Variants in ZNF516 observed in about 807,000 individuals in gnomAD.
The protein encoded by ZNF516 is zinc finger protein 516.
A neutral mutation model predicts 79.7 loss-of-function variants in ZNF516; 19 were observed. That is an observed-to-expected ratio of 0.24 (90% confidence interval 0.17 to 0.35). The LOEUF is 0.35. Ranked by LOEUF, ZNF516 falls within the 10% of genes least tolerant of loss-of-function variation. ZNF516 has a pLI of 1.00. For synonymous variants in ZNF516, 877 were observed against 739.5 expected (o/e 1.19, Z -3.02); for missense variants, 1,678 against 1,679.5 (o/e 1.00, Z 0.02).
chr18:76,383,990 C>T (rs1356170045), intron 3 of ZNF516, among the ~76,000 whole-genome samples: 7 of 152,214 alleles, frequency 4.6e-5, no homozygotes, highest in African/African-American at 7.2e-5. Flanking sequence ...GCCAAGGTTT[C>T]GTTACAGCCA....
chr18:76,442,812 G>A lies in ZNF516; in HGVS notation c.243C>T (p.Ile81=), dbSNP rs1359094941. The A allele has an allele frequency of 2.5e-6, 4 of 1,611,726 alleles. No individual in the cohort carries two copies. The highest frequency in any genetic ancestry group is 2.2e-5 in the South Asian group (2 of 90,592). Residue 81 remains isoleucine (I), a synonymous_variant, in exon 3 of 7, where the codon ATC becomes ATT. Coordinates refer to ENST00000443185, the MANE Select transcript of ZNF516 (RefSeq NM_014643.4). ...ASQKGNLKIH[I]RSHRTGTLIQ... ...TCAGAGTCCCCGTGCGGTGGCTCCG[G>A]ATGTGAATCTTCAGGTTGCCCTTCT...
At chr18:76,381,730 A>T (rs1377374544) in intron 3 of ZNF516, among the ~76,000 whole-genome samples, 3 of 152,240 alleles carry the variant, frequency 2.0e-5, no homozygotes, top group Admixed American at 6.5e-5. Context: ...GGACTTGTCC[A>T]TGTAAAAAAC....
intron 1 of ZNF516, among the ~76,000 whole-genome samples, chr18:76,473,909 G>T (rs374102562): frequency 2.2e-4 from 22 of 101,332 alleles, no homozygotes; most frequent in Middle Eastern, 5.4e-3. Flanking sequence ...TGTGTGGGGG[G>T]GGGGGGGGCT....
chr18:76,460,058 G>A lies in ZNF516; in HGVS notation c.-158+2970C>T, dbSNP rs150266664. Among the ~76,000 whole-genome samples the A allele has an allele frequency of 1.9e-3, 295 of 152,328 alleles. 1 individual carries two copies. Among genetic ancestry groups the A allele is most frequent in the African/African-American group, 6.8e-3 (284 of 41,586 alleles). Reference sequence around the variant, plus strand: ...AAGAATGCCCAGAAAACACCGCACTGCATTTCTGGACCAGGACTCGTTCTG... The same window carrying A: ...AAGAATGCCCAGAAAACACCGCACTACATTTCTGGACCAGGACTCGTTCTG... On this transcript the variant is annotated intron_variant, in intron 2 of 6. Coordinates refer to ENST00000443185, the MANE Select transcript of ZNF516 (RefSeq NM_014643.4).
rs1446166956 is a variant in ZNF516 at position 76,441,950 on chromosome 18, C to A, written c.1105G>T (p.Ala369Ser). 2 of 1,611,104 alleles carry A rather than the reference C, an allele frequency of 1.2e-6. No individual in the cohort carries two copies. The highest frequency in any genetic ancestry group is 8.5e-7 in the Non-Finnish European group (1 of 1,179,348). ...RVEASRTRAP[A>S]EEGAEGPSDT... ...GAGGGCCCCTCCGCCCCCTCCTCGG[C>A]CGGGGCGCGCGTGCGGCTGGCCTCG... The change falls in exon 3 of 7, where the codon GCC becomes TCC. Residue 369 changes from alanine to serine, a missense_variant. Coordinates refer to ENST00000443185, the MANE Select transcript of ZNF516 (RefSeq NM_014643.4).
At chr18:76,491,197 C>T (rs904951808) in intron 1 of ZNF516, 16 of 801,432 alleles carry the variant, frequency 2.0e-5, no homozygotes, top group African/African-American at 1.9e-5. Flanking sequence ...GCCCGGTCCA[C>T]GCCGCCGCGC....
chr18:76,398,791 T>C (rs1463694978), intron 3 of ZNF516, among the ~76,000 whole-genome samples: 3 of 152,196 alleles, frequency 2.0e-5, no homozygotes, highest in Non-Finnish European at 4.4e-5. Flanking sequence ...CCAACTAATA[T>C]ACACACAAAC....
intron 1 of ZNF516, among the ~76,000 whole-genome samples, chr18:76,468,109 T>C (rs1324789127): frequency 1.3e-5 from 2 of 152,214 alleles, no homozygotes; most frequent in East Asian, 1.9e-4. Context: ...GGAGATTCTC[T>C]GGCTCTGATG....
chr18:76,482,568 A>G (rs1914587096), intron 1 of ZNF516, among the ~76,000 whole-genome samples: 2 of 152,228 alleles, frequency 1.3e-5, no homozygotes, highest in Non-Finnish European at 2.9e-5. Flanking sequence ...CACTTAAGGT[A>G]GGTGAGGCTA....
chr18:76,405,007 G>A (rs1358552013), intron 3 of ZNF516, among the ~76,000 whole-genome samples: 1 of 152,120 alleles, frequency 6.6e-6, no homozygotes, highest in East Asian at 1.9e-4. Flanking sequence ...CCAGGTATAA[G>A]CAGTACCCTG....
Position 76,480,520 on chromosome 18 carries a change from C to T in ZNF516, c.-272+14624G>A, listed in dbSNP as rs370843889. Among the ~76,000 whole-genome samples the T allele has an allele frequency of 5.7e-3, 395 of 69,402 alleles. 1 individual carries two copies. The highest frequency in any genetic ancestry group is 0.02 in the African/African-American group (239 of 12,102). 45.5% of individuals were successfully genotyped at this position (69,402 alleles called of 152,430 possible). A position where few individuals can be genotyped will look rare whatever the true frequency, so the allele number is the denominator to read the frequency against. On this transcript the variant is annotated intron_variant, in intron 1 of 6. Transcript: ENST00000443185. Reference sequence around the variant, plus strand: ...ACACACACACACACACACACACACACACACATATATTTTTTTTTTTGAGAC... The same window carrying T: ...ACACACACACACACACACACACACATACACATATATTTTTTTTTTTGAGAC...
rs770281730 is a variant in ZNF516, at chr18:76,441,684, G to C, written c.1371C>G (p.Val457=). Reference sequence around the variant, plus strand: ...GCTTGCGCTTCTCCTGGCTCACCAGGACGTACTCGCGCCTGTCCTTGTCGA... The same window carrying C: ...GCTTGCGCTTCTCCTGGCTCACCAGCACGTACTCGCGCCTGTCCTTGTCGA... ...VAFDKDRREY[V]LVSQEKRKRE... The change falls in exon 3 of 7, where the codon GTC becomes GTG. Residue 457 remains valine, a synonymous_variant. Coordinates refer to ENST00000443185, the MANE Select transcript of ZNF516 (RefSeq NM_014643.4). 1 of 1,559,588 alleles carries C rather than the reference G, an allele frequency of 6.4e-7. No individual in the cohort carries two copies. The highest frequency in any genetic ancestry group is 8.7e-7 in the Non-Finnish European group (1 of 1,154,972).
chr18:76,377,401 G>GT (rs1014180065), intron 4 of ZNF516, among the ~76,000 whole-genome samples: 4 of 152,290 alleles, frequency 2.6e-5, no homozygotes, highest in African/African-American at 7.2e-5. Context: ...CAGCAAATCT[G>GT]TAAGAGGGGC....
chr18:76,465,911 G>A (rs1468080797), intron 1 of ZNF516, among the ~76,000 whole-genome samples: 3 of 152,190 alleles, frequency 2.0e-5, no homozygotes, highest in African/African-American at 7.2e-5. Flanking sequence ...CAGGCTCCCA[G>A]ATGGGCTCCT....
intron 3 of ZNF516, among the ~76,000 whole-genome samples, chr18:76,397,471 T>C (rs2145190226): frequency 6.9e-6 from 1 of 145,192 alleles, no homozygotes; most frequent in African/African-American, 2.6e-5. Context: ...CCAAGATGTT[T>C]ATTCTACTTT....
At chr18:76,377,298 C>T (rs1382094028) in intron 4 of ZNF516, among the ~76,000 whole-genome samples, 1 of 152,268 alleles carries the variant, frequency 6.6e-6, no homozygotes, top group African/African-American at 2.4e-5. Context: ...CTCGGGTGTC[C>T]GGGCCTACGG....
chr18:76,429,548 C>A (rs191076175), intron 3 of ZNF516, among the ~76,000 whole-genome samples: 99 of 152,234 alleles, frequency 6.5e-4, no homozygotes, highest in African/African-American at 2.2e-3. Flanking sequence ...CCAAGGCCAG[C>A]AGTGCACAAA....
At chr18:76,471,781 A>G (rs1913857392) in intron 1 of ZNF516, among the ~76,000 whole-genome samples, 1 of 151,998 alleles carries the variant, frequency 6.6e-6, no homozygotes, top group African/African-American at 2.4e-5. Context: ...ACACCCTAAG[A>G]TCCCTATCTT....
chr18:76,496,125 C>T (rs1376337592), upstream of ZNF516, among the ~76,000 whole-genome samples: 65 of 40,138 alleles, frequency 1.6e-3, 1 homozygote, highest in Non-Finnish European at 2.9e-4. Flanking sequence ...TGTTACAGGG[C>T]AGGGATGGCC....
Sources: allele counts gnomAD v4.1 joint callset (sites outside exome capture counted in the v4.1 genomes callset), GRCh38; gene constraint gnomAD v4.1.1; transcripts MANE v1.5; gene names NCBI Gene and HGNC (gene_info 2026-07-23, HGNC 2026-07-21).